Variants in TIAM1 observed in about 807,000 individuals in gnomAD.
TIAM1 encodes rho guanine nucleotide exchange factor TIAM1.
In TIAM1, 65 loss-of-function variants were observed where a neutral mutation model predicts 163.5. The ratio of observed to expected loss-of-function variants is 0.40; its 90% CI spans 0.33 to 0.49. The LOEUF (loss-of-function observed/expected upper bound fraction) is 0.49, where lower values mean the gene tolerates loss of function less well. Among genes scored for constraint, TIAM1 ranks in the 20% least tolerant of loss-of-function variants. TIAM1 has a pLI of 0.77. For synonymous variants in TIAM1, 833 were observed against 810.1 expected (o/e 1.03, Z -0.48); for missense variants, 1,789 against 2,044.7 (o/e 0.87, Z 2.41).
intron 2 of TIAM1, among the ~76,000 whole-genome samples, chr21:31,356,303 G>C (rs1445310679): frequency 6.6e-6 from 1 of 152,128 alleles, no homozygotes; most frequent in Non-Finnish European, 1.5e-5. Flanking sequence ...GAAATACACA[G>C]ATTATTAATA....
chr21:31,152,814 C>T (rs541608610), intron 18 of TIAM1, 53 bp from the exon 19 acceptor site: 63 of 1,587,996 alleles, frequency 4.0e-5, no homozygotes, highest in East Asian at 1.3e-4. Flanking sequence ...TCTTCCTAAA[C>T]GTTATTTATA....
intron 1 of TIAM1, among the ~76,000 whole-genome samples, chr21:31,526,111 C>CT (rs2047776120): frequency 6.6e-6 from 1 of 151,986 alleles, no homozygotes; most frequent in Non-Finnish European, 1.5e-5. Context: ...TTCTCCCTGT[C>CT]TGGGCACTCA....
chr21:31,423,060 T>C (rs1253862881), intron 2 of TIAM1, among the ~76,000 whole-genome samples: 1 of 151,064 alleles, frequency 6.6e-6, no homozygotes, highest in Non-Finnish European at 1.5e-5. Context: ...TTGAGGGGGT[T>C]CCTGATAAGA....
At position 31,251,878 on chromosome 21, in the gene TIAM1, G is replaced by T. The variant is rs575145984; in HGVS notation, c.1275C>A (p.Ile425=). The T allele has an allele frequency of 6.2e-7, 1 of 1,613,892 alleles. No homozygotes were observed. Among genetic ancestry groups the T allele is most frequent in the South Asian group, 1.1e-5 (1 of 91,058 alleles). Residue 425 remains isoleucine, a synonymous_variant, in exon 5 of 28, where the codon ATC becomes ATA. Transcript: ENST00000541036. ...GTLSSPGQSD[I]LLTAAQGTVR... is the part of the protein sequence containing the mutation. Reference sequence around the variant, plus strand: ...CCGTGCCCTGTGCGGCGGTCAGCAGGATGTCCGACTGGCCCGGAGAGCTCA... The same window carrying T: ...CCGTGCCCTGTGCGGCGGTCAGCAGTATGTCCGACTGGCCCGGAGAGCTCA...
chr21:31,439,463 T>C (rs548053233), intron 2 of TIAM1, among the ~76,000 whole-genome samples: 1 of 152,284 alleles, frequency 6.6e-6, no homozygotes, highest in Non-Finnish European at 1.5e-5. Flanking sequence ...CTAATTTTTG[T>C]ATTTTTACTA....
chr21:31,366,744 G>A (rs537293824), intron 2 of TIAM1, among the ~76,000 whole-genome samples: 1 of 152,192 alleles, frequency 6.6e-6, no homozygotes. Flanking sequence ...AACCTCCCGA[G>A]TAGCTGGGAA....
intron 2 of TIAM1, among the ~76,000 whole-genome samples, chr21:31,331,994 C>T (rs1196533878): frequency 6.6e-6 from 1 of 152,100 alleles, no homozygotes; most frequent in Non-Finnish European, 1.5e-5. Flanking sequence ...TGAGAAAAAG[C>T]ACGTACATGC....
At chr21:31,538,224 AT>A (rs1198256071) in intron 1 of TIAM1, among the ~76,000 whole-genome samples, 1 of 152,222 alleles carries the variant, frequency 6.6e-6, no homozygotes, top group East Asian at 1.9e-4. Flanking sequence ...TGTATGTTAT[AT>A]TTAATTTCAA....
chr21:31,252,136 G>C lies in TIAM1; in HGVS notation c.1017C>G (p.Ala339=). 1.2e-6 allele frequency: 2 copies of C among 1,611,818 alleles called. No individual in the cohort carries two copies. The highest frequency in any genetic ancestry group is 1.3e-5 in the African/African-American group (1 of 75,050). The change falls in exon 5 of 28, where the codon GCC becomes GCG. Residue 339 remains alanine (A), a synonymous_variant. Transcript: ENST00000541036. ...TGGACAGGAGGTCCGTGTCGGTAGT[G>C]GCCCCTTCAATCCCACTGTCTGCAA... ...SEFADSGIEG[A]TTDTDLLSRR...
Position 31,266,239 on chromosome 21 carries a change from G to T in TIAM1, c.734C>A (p.Ala245Glu). 1.2e-6 allele frequency: 2 copies of T among 1,614,192 alleles called. No homozygotes were observed. The highest frequency in any genetic ancestry group is 1.1e-5 in the South Asian group (1 of 91,090). Residue 245 changes from alanine (A) to glutamate (E), a missense_variant, in exon 4 of 28, where the codon GCA becomes GAA. This residue lies in a region of TIAM1 where 555 missense variants were observed against 564.9 expected (regional missense o/e 0.98). Coordinates refer to ENST00000541036, the MANE Select transcript of TIAM1 (RefSeq NM_001353694.2). ...AAATTTGCTCCCCGGCCCCCCGTTT[G>T]CTGTCACTCCAGAGTTTTTCTGAGC... ...LYAQKNSGVTANGGPGSKFAG... is the reference protein window; with the variant it reads ...LYAQKNSGVTENGGPGSKFAG...
intron 1 of TIAM1, among the ~76,000 whole-genome samples, chr21:31,495,772 C>G (rs2046620104): frequency 6.6e-6 from 1 of 152,120 alleles, no homozygotes; most frequent in South Asian, 2.1e-4. Context: ...GTCAGGAGTT[C>G]AAGACTAGCT....
intron 2 of TIAM1, among the ~76,000 whole-genome samples, chr21:31,389,532 A>C (rs1371874027): frequency 6.6e-6 from 1 of 152,222 alleles, no homozygotes; most frequent in Admixed American, 6.5e-5. Context: ...AAAACCATAA[A>C]GTCTATTCTT....
At chr21:31,202,420 G>A (rs956082688) in intron 12 of TIAM1, among the ~76,000 whole-genome samples, 6 of 151,508 alleles carry the variant, frequency 4.0e-5, no homozygotes, top group East Asian at 1.9e-4. Flanking sequence ...ATAAAAGTTC[G>A]TCAGCCATGG....
rs781153297 is a variant in TIAM1 at position 31,181,756 on chromosome 21, CTTTTTTTTTTTTTTTTTTTTTTTTT to C, written c.2887+640_2887+664del. Among the ~76,000 whole-genome samples, 256 of 41,334 alleles carry C rather than the reference CTTTTTTTTTTTTTTTTTTTTTTTTT, an allele frequency of 6.2e-3. 15 individuals carry two copies. Among genetic ancestry groups the C allele is most frequent in the African/African-American group, 0.014 (181 of 12,682 alleles). 27.1% of individuals were successfully genotyped at this position (41,334 alleles called of 152,430 possible). A position where few individuals can be genotyped will look rare whatever the true frequency, so the allele number is the denominator to read the frequency against. ...CCCAGCACTTCTTCTTCTTCTTCTT[CTTTTTTTTTTTTTTTTTTTTTTTTT>C]TTTTTTTTTTTTTTTTTTTTTTTTA... On this transcript the variant is annotated intron_variant, in intron 15 of 27. Transcript: ENST00000541036.
intron 2 of TIAM1, among the ~76,000 whole-genome samples, chr21:31,408,271 G>C (rs2077283908): frequency 6.6e-6 from 1 of 152,154 alleles, no homozygotes; most frequent in Non-Finnish European, 1.5e-5. Flanking sequence ...GTAAAGAAAA[G>C]AGAAAGACAA....
chr21:31,428,241 G>A (rs912390442), intron 2 of TIAM1, among the ~76,000 whole-genome samples: 5 of 152,080 alleles, frequency 3.3e-5, no homozygotes, highest in African/African-American at 1.2e-4. Context: ...GGTAACAGGA[G>A]TGAAATCCCA....
chr21:31,398,800 T>C (rs2077116126), intron 2 of TIAM1, among the ~76,000 whole-genome samples: 1 of 152,252 alleles, frequency 6.6e-6, no homozygotes, highest in South Asian at 2.1e-4. Context: ...TGATCACTTA[T>C]CTTGTGAAAC....
intron 1 of TIAM1, among the ~76,000 whole-genome samples, chr21:31,492,074 A>G (rs1481540056): frequency 6.6e-6 from 1 of 152,202 alleles, no homozygotes; most frequent in Non-Finnish European, 1.5e-5. Context: ...ATGTGTGTAT[A>G]TATGTATGTA....
At chr21:31,227,300 A>G (rs1024093244) in intron 6 of TIAM1, among the ~76,000 whole-genome samples, 8 of 152,088 alleles carry the variant, frequency 5.3e-5, no homozygotes, top group Non-Finnish European at 1.2e-4. Flanking sequence ...CCAGCACATG[A>G]CACTGTGCTG....
Sources: gnomAD v4.1 joint callset for allele counts (sites outside exome capture counted in the v4.1 genomes callset) on GRCh38, gnomAD v4.1.1 for gene constraint, gnomAD v4.1.1 regional missense constraint, MANE v1.5 for transcripts, NCBI Gene and HGNC (gene_info 2026-07-23, HGNC 2026-07-21) for gene names.